The following C1orf21 variants were observed in gnomAD, a reference collection of about 807,000 sequenced individuals.
C1orf21 encodes uncharacterized protein C1orf21.
C1orf21 carries 3 observed loss-of-function variants against 18.7 expected under a neutral mutation model. That is an observed-to-expected ratio of 0.16 (90% CI 0.07 to 0.42). C1orf21 has a LOEUF of 0.42. C1orf21 is among the 10% of genes least tolerant of loss of function. The probability of loss-of-function intolerance (pLI) is 0.99; values close to 1 mark genes in which losing one functional copy is unlikely to be tolerated. For missense variants in C1orf21, 104 were observed against 143.6 expected (o/e 0.72, Z 1.41); for synonymous variants, 41 against 46.4 (o/e 0.88, Z 0.47).
At chr1:184,460,973 G>A (rs1657299664) in intron 1 of C1orf21, among the ~76,000 whole-genome samples, 2 of 151,958 alleles carry the variant, frequency 1.3e-5, no homozygotes, top group Admixed American at 1.3e-4. Flanking sequence ...CTCTAGCTAT[G>A]GAGAAAATGT....
At chr1:184,564,394 C>T (rs374024137) in intron 3 of C1orf21, among the ~76,000 whole-genome samples, 8 of 152,202 alleles carry the variant, frequency 5.3e-5, no homozygotes, top group Non-Finnish European at 5.9e-5. Flanking sequence ...CTGCAACCTG[C>T]GCCTCCCAGG....
chr1:184,458,116 G>A (rs1051220244), intron 1 of C1orf21, among the ~76,000 whole-genome samples: 5 of 152,096 alleles, frequency 3.3e-5, no homozygotes, highest in African/African-American at 9.7e-5. Flanking sequence ...CAAAGCCTAC[G>A]TTCCTTCGCC....
chr1:184,598,586 T>C, intron 5 of C1orf21, 125 bp downstream of exon 5: 1 of 973,922 alleles, frequency 1.0e-6, no homozygotes. Context: ...GGGTGGAGAG[T>C]TAAATAAAAG....
At chr1:184,433,270 A>T (rs548817138) in intron 1 of C1orf21, among the ~76,000 whole-genome samples, 2 of 151,894 alleles carry the variant, frequency 1.3e-5, no homozygotes, top group African/African-American at 2.4e-5. Context: ...CAGAGTGCCA[A>T]CAGTGGCACT....
In C1orf21 at chr1:184,559,504, C is replaced by CCCCT. The variant is rs1658924608; in HGVS notation, c.190-31234_190-31231dup. Among the ~76,000 whole-genome samples the CCCCT allele has an allele frequency of 1.1e-4, 4 of 37,978 alleles. No individual in the cohort carries two copies. The South Asian group carries it at 5.9e-3, about 56-fold the overall frequency. The allele number at this position is 37,978 out of a possible 152,430, so 24.9% of individuals were successfully genotyped here. On this transcript the variant is annotated intron_variant, in intron 3 of 5. Coordinates refer to ENST00000235307, the MANE Select transcript of C1orf21 (RefSeq NM_030806.4). ...CTTCCTTCCTTCCTTCCTTCCTTCCCCCCTTCCTTCCTTCCTTCCTTCCTT... is the reference window on the plus strand; with the variant it reads ...CTTCCTTCCTTCCTTCCTTCCTTCCCCCCTCCCTTCCTTCCTTCCTTCCTTCCTT...
At chr1:184,609,266 C>T (rs1465107077) in intron 5 of C1orf21, among the ~76,000 whole-genome samples, 2 of 152,180 alleles carry the variant, frequency 1.3e-5, no homozygotes, top group Non-Finnish European at 2.9e-5. Flanking sequence ...CTAATGGGGA[C>T]CTACCAAGTT....
chr1:184,576,587 G>A (rs780361020), intron 3 of C1orf21, among the ~76,000 whole-genome samples: 1 of 152,174 alleles, frequency 6.6e-6, no homozygotes, highest in Non-Finnish European at 1.5e-5. Context: ...TATTGTCCAG[G>A]GTCCTCTCAG....
intron 1 of C1orf21, among the ~76,000 whole-genome samples, chr1:184,429,551 A>T (rs1392473327): frequency 4.6e-5 from 7 of 152,070 alleles, no homozygotes; most frequent in African/African-American, 1.7e-4. Flanking sequence ...GCTTAGTCAC[A>T]TTTGGCACCA....
At chr1:184,428,545 T>G (rs899690861) in intron 1 of C1orf21, among the ~76,000 whole-genome samples, 2 of 152,242 alleles carry the variant, frequency 1.3e-5, no homozygotes, top group African/African-American at 4.8e-5. Context: ...AAAATATACC[T>G]ACATCCTACA....
At chr1:184,433,334 C>T (rs1656799481) in intron 1 of C1orf21, among the ~76,000 whole-genome samples, 1 of 152,148 alleles carries the variant, frequency 6.6e-6, no homozygotes, top group African/African-American at 2.4e-5. Context: ...GTCTTTCTTC[C>T]CGAATCTTCT....
intron 1 of C1orf21, among the ~76,000 whole-genome samples, chr1:184,395,479 A>ATTGAC (rs1656038254): frequency 6.6e-6 from 1 of 152,146 alleles, no homozygotes; most frequent in Non-Finnish European, 1.5e-5. Flanking sequence ...TTGAACAAAC[A>ATTGAC]TTGACTTTTG....
chr1:184,408,807 G>A (rs1411633854), intron 1 of C1orf21, among the ~76,000 whole-genome samples: 1 of 152,186 alleles, frequency 6.6e-6, no homozygotes, highest in Non-Finnish European at 1.5e-5. Context: ...AGAGGCAGTT[G>A]TGAGGCCGAT....
chr1:184,505,351 CAT>C (rs1193160016), intron 2 of C1orf21, among the ~76,000 whole-genome samples: 1 of 75,152 alleles, frequency 1.3e-5, no homozygotes, highest in South Asian at 3.7e-4. Context: ...ACACACATGC[CAT>C]ATATATATAG....
rs1656335785 is a variant in C1orf21 at position 184,410,666 on chromosome 1, T to TATATATATATATATAATATATATATATA, written c.-125+23298_-125+23299insATATATATATATATAATATATATATATA. Among the ~76,000 whole-genome samples, 37 of 35,422 alleles carry TATATATATATATATAATATATATATATA rather than the reference T, an allele frequency of 1.0e-3. 5 individuals are homozygous for TATATATATATATATAATATATATATATA. In the African/African-American group the frequency reaches 0.015, roughly 14 times the overall value. 23.2% of individuals were successfully genotyped at this position (35,422 alleles called of 152,430 possible). A position where few individuals can be genotyped will look rare whatever the true frequency, so the allele number is the denominator to read the frequency against. On this transcript the variant is annotated intron_variant, in intron 1 of 5. Transcript: ENST00000235307. ...ATATATATATATATATATATATATTTTTTTTTTTTTTTTTTGAGATGGAGT... is the reference window on the plus strand; with the variant it reads ...ATATATATATATATATATATATATTTATATATATATATATAATATATATATATATTTTTTTTTTTTTTTGAGATGGAGT...
intron 2 of C1orf21, among the ~76,000 whole-genome samples, chr1:184,505,878 C>G (rs756677681): frequency 6.6e-6 from 1 of 151,310 alleles, no homozygotes; most frequent in Admixed American, 6.6e-5. Context: ...TTTTTTTTTA[C>G]CTTTTATTTT....
At chr1:184,479,619 T>TTG (rs1657623802) in intron 2 of C1orf21, among the ~76,000 whole-genome samples, 1 of 135,242 alleles carries the variant, frequency 7.4e-6, no homozygotes, top group Admixed American at 7.4e-5. Flanking sequence ...AGGTCTTTTT[T>TTG]TTTTTTTTTT....
chr1:184,432,511 G>A (rs941951294), intron 1 of C1orf21, among the ~76,000 whole-genome samples: 10 of 152,120 alleles, frequency 6.6e-5, no homozygotes, highest in African/African-American at 2.2e-4. Flanking sequence ...ACACGCTGGG[G>A]CCTGTTGCAG....
chr1:184,414,625 A>G (rs1432242807), intron 1 of C1orf21, among the ~76,000 whole-genome samples: 2 of 152,162 alleles, frequency 1.3e-5, no homozygotes, highest in Non-Finnish European at 2.9e-5. Context: ...ATGACACTGT[A>G]TTAGAAAGAC....
At chr1:184,493,979 T>G (rs1657853532) in intron 2 of C1orf21, among the ~76,000 whole-genome samples, 1 of 152,210 alleles carries the variant, frequency 6.6e-6, no homozygotes, top group Non-Finnish European at 1.5e-5. Flanking sequence ...CTAAGAGATA[T>G]AACATGTAAT....
Sources: allele counts gnomAD v4.1 joint callset (sites outside exome capture counted in the v4.1 genomes callset), GRCh38; gene constraint gnomAD v4.1.1; transcripts MANE v1.5; gene names NCBI Gene and HGNC (gene_info 2026-07-23, HGNC 2026-07-21).